Variants in USP34 observed in about 807,000 individuals in gnomAD.
USP34 encodes the protein ubiquitin specific peptidase 34.
USP34 carries 70 observed loss-of-function variants against 460.3 expected under a neutral mutation model. The observed-to-expected ratio is 0.15, with a 90% confidence interval of 0.13 to 0.19. The LOEUF is 0.19. Ranked by LOEUF, USP34 falls within the 10% of genes least tolerant of loss-of-function variation. USP34 has a pLI of 1.00. For synonymous variants in USP34, 1,647 were observed against 1,405.3 expected, an observed-to-expected ratio of 1.17 and a Z score of -3.85; for missense variants, 3,985 against 4,236.2, an observed-to-expected ratio of 0.94 and a Z score of 1.65.
At chr2:61,360,722 T>C (rs1425697115) in intron 10 of USP34, among the ~76,000 whole-genome samples, 1 of 152,208 alleles carries the variant, frequency 6.6e-6, no homozygotes, top group African/African-American at 2.4e-5. Flanking sequence ...AGTGGCACCA[T>C]CTTGGCTCAT....
intron 41 of USP34, among the ~76,000 whole-genome samples, chr2:61,272,944 T>G (rs1689259939): frequency 6.6e-6 from 1 of 151,938 alleles, no homozygotes; most frequent in Admixed American, 6.6e-5. Flanking sequence ...TTGCAGATAA[T>G]AAACCAAAAA....
At position 61,284,863 on chromosome 2, in the gene USP34, T is replaced by G; in HGVS notation, c.4832+12A>C. 1.3e-6 allele frequency: 2 copies of G among 1,597,712 alleles called. No homozygotes were observed. The highest frequency in any genetic ancestry group is 8.5e-7 in the Non-Finnish European group (1 of 1,170,754). On this transcript the variant is annotated intron_variant, in intron 35 of 79. Transcript: ENST00000398571. Reference sequence around the variant, plus strand: ...ATACATACACACATAAAATATATCTTAAAATGCATACCTAGGAGCCAGATT... The same window carrying G: ...ATACATACACACATAAAATATATCTGAAAATGCATACCTAGGAGCCAGATT...
rs139393553 is a variant in USP34, at chr2:61,248,165, A to G, written c.6394+346T>C. On this transcript the variant is annotated intron_variant, in intron 49 of 79. Coordinates refer to ENST00000398571, the MANE Select transcript of USP34 (RefSeq NM_014709.4). The stretch of plus-strand genomic sequence containing the variant: ...ACTGCATTCCAGCCTAGGAGACAAA[A>G]TAAGACTGTCTCAGAAGACCAAAAA... Among the ~76,000 whole-genome samples, 928 of 149,408 alleles carry G rather than the reference A, an allele frequency of 6.2e-3. 4 individuals are homozygous for G. The highest frequency in any genetic ancestry group is 0.011 in the African/African-American group (445 of 40,454).
chr2:61,444,314 TA>T (rs1268576738), intron 1 of USP34, among the ~76,000 whole-genome samples: 1 of 151,556 alleles, frequency 6.6e-6, no homozygotes, highest in African/African-American at 2.4e-5. Flanking sequence ...TAACAGAAAT[TA>T]AAATTGATAG....
chr2:61,265,888 T>C lies in USP34; in HGVS notation c.5617+96A>G, dbSNP rs114424053. The C allele has an allele frequency of 1.5e-3, 1,766 of 1,142,470 alleles. 17 individuals are homozygous for C. The African/African-American group carries it at 0.025, about 16-fold the overall frequency. 70.8% of individuals were successfully genotyped at this position (1,142,470 alleles called of 1,614,324 possible). ...CCAATAATCATTTATAATGTTAAAG[T>C]GTGTGAAGAGCAGATTCTTTTGTTA... On this transcript the variant is annotated intron_variant, in intron 42 of 79. Transcript: ENST00000398571.
intron 41 of USP34, among the ~76,000 whole-genome samples, chr2:61,272,319 G>C (rs894861232): frequency 1.3e-5 from 2 of 151,036 alleles, no homozygotes; most frequent in African/African-American, 4.9e-5. Context: ...GCTGCAGCGG[G>C]AGAATGGTGT....
chr2:61,323,806 T>C (rs1006389275), intron 21 of USP34, among the ~76,000 whole-genome samples: 6 of 152,230 alleles, frequency 3.9e-5, no homozygotes, highest in Non-Finnish European at 8.8e-5. Flanking sequence ...AGATTGGTTT[T>C]GCTGTATTTT....
chr2:61,347,197 G>A (rs1221878379), intron 15 of USP34, among the ~76,000 whole-genome samples: 1 of 152,040 alleles, frequency 6.6e-6, no homozygotes, highest in Admixed American at 6.6e-5. Context: ...GAATTAAAGG[G>A]TGGCTGGTCT....
intron 1 of USP34, among the ~76,000 whole-genome samples, chr2:61,426,702 C>T (rs988267611): frequency 2.0e-5 from 3 of 152,182 alleles, no homozygotes; most frequent in African/African-American, 7.2e-5. Context: ...GCACCAGGGC[C>T]TTCAGCAAAC....
intron 1 of USP34, among the ~76,000 whole-genome samples, chr2:61,463,347 T>C (rs1447098626): frequency 6.6e-6 from 1 of 152,186 alleles, no homozygotes; most frequent in East Asian, 1.9e-4. Context: ...ATCAAAAAAT[T>C]TGAAATTTTA....
chr2:61,428,194 A>C (rs1694566328), intron 1 of USP34, among the ~76,000 whole-genome samples: 3 of 151,494 alleles, frequency 2.0e-5, no homozygotes, highest in African/African-American at 7.3e-5. Context: ...TCCAAATCTT[A>C]AACAAAGGCA....
At chr2:61,306,009 A>C (rs1461026006) in intron 27 of USP34, among the ~76,000 whole-genome samples, 1 of 152,092 alleles carries the variant, frequency 6.6e-6, no homozygotes, top group East Asian at 1.9e-4. Flanking sequence ...AGATTGCAAA[A>C]ATTTCCTCCC....
chr2:61,420,927 C>A, intron 1 of USP34, 94 bp from the exon 2 acceptor site: 7 of 758,774 alleles, frequency 9.2e-6, no homozygotes, highest in Non-Finnish European at 1.2e-5. Context: ...CAAATGCAAA[C>A]ATTTCAGATA....
At chr2:61,349,221 T>A in intron 13 of USP34, 29 bp downstream of exon 13, 7 of 1,604,886 alleles carry the variant, frequency 4.4e-6, no homozygotes, top group Non-Finnish European at 5.9e-6. Context: ...CTAAGTCATG[T>A]TGCCATGAAT....
At chr2:61,334,894 A>G (rs1481881011) in intron 18 of USP34, among the ~76,000 whole-genome samples, 2 of 152,232 alleles carry the variant, frequency 1.3e-5, no homozygotes, top group African/African-American at 4.8e-5. Context: ...TACATTATAC[A>G]TGGCTAAAGA....
At chr2:61,412,279 CAA>C (rs1293652724) in intron 2 of USP34, among the ~76,000 whole-genome samples, 1 of 98,660 alleles carries the variant, frequency 1.0e-5, no homozygotes, top group Non-Finnish European at 2.2e-5. Context: ...AGACAAAATA[CAA>C]AAAGGAAAAA....
chr2:61,241,634 A>G lies in USP34; in HGVS notation c.6703T>C (p.Phe2235Leu). 1 of 1,608,014 alleles carries G rather than the reference A, an allele frequency of 6.2e-7. No individual in the cohort carries two copies. Among genetic ancestry groups the G allele is most frequent in the Non-Finnish European group, 8.5e-7 (1 of 1,178,172 alleles). ...TCCTCTGGTTCCATGCGTTTGTAAA[A>G]CAGCATATATGCACTGTGTGTCTTT... ...FEKTHSAYMLFYKRMEPEEEN... is the reference protein window; with the variant it reads ...FEKTHSAYMLLYKRMEPEEEN... The change falls in exon 53 of 80, where the codon TTT becomes CTT. Residue 2235 changes from phenylalanine to leucine, a missense_variant. Transcript: ENST00000398571.
rs1321077189 is a variant in USP34, at chr2:61,187,901, C to T, written c.*201G>A. 7.1e-7 allele frequency: 1 copy of T among 1,406,386 alleles called. No individual in the cohort carries two copies. Among genetic ancestry groups the T allele is most frequent in the Non-Finnish European group, 9.3e-7 (1 of 1,077,028 alleles). The allele number at this position is 1,406,386 out of a possible 1,614,324, so 87.1% of individuals were successfully genotyped here. On this transcript the variant is annotated 3_prime_UTR_variant, in exon 80 of 80. Coordinates refer to ENST00000398571, the MANE Select transcript of USP34 (RefSeq NM_014709.4). ...ATAAAACATATCCATTATCTGATTG[C>T]CCTTTAGGAAGTATACTGAAGATGC...
rs115068036 is a variant in USP34 at position 61,386,842 on chromosome 2, A to C, written c.754-3506T>G. On this transcript the variant is annotated intron_variant, in intron 5 of 79. Transcript: ENST00000398571. ...AGTATCTTCATGGCCTTAGAGTTAA[A>C]AATGACTTTTTCAACCAAAAATGAA... Among the ~76,000 whole-genome samples, 1,371 of 152,322 alleles carry C rather than the reference A, an allele frequency of 9.0e-3. 23 individuals are homozygous for C. Among genetic ancestry groups the C allele is most frequent in the African/African-American group, 0.031 (1,287 of 41,562 alleles).
Sources: allele counts gnomAD v4.1 joint callset (sites outside exome capture counted in the v4.1 genomes callset), GRCh38; gene constraint gnomAD v4.1.1; transcripts MANE v1.5; gene names NCBI Gene and HGNC (gene_info 2026-07-23, HGNC 2026-07-21).